The following TMEM132D variants were observed in gnomAD, a reference collection of about 807,000 sequenced individuals.
TMEM132D encodes mature OL transmembrane protein.
Under a neutral mutation model 62.3 loss-of-function variants are expected in TMEM132D, and 21 were observed. The ratio of observed to expected loss-of-function variants is 0.34; its 90% CI spans 0.24 to 0.49. The LOEUF (loss-of-function observed/expected upper bound fraction) is 0.49, where lower values mean the gene tolerates loss of function less well. TMEM132D is among the 20% of genes least tolerant of loss of function. TMEM132D has a pLI of 0.99. For synonymous variants in TMEM132D, 621 were observed against 575.6 expected, an observed-to-expected ratio of 1.08 and a Z score of -1.13; for missense variants, 1,346 against 1,402.8, an observed-to-expected ratio of 0.96 and a Z score of 0.65.
chr12:129,722,585 G>A (rs547945163), intron 1 of TMEM132D, among the ~76,000 whole-genome samples: 1 of 152,210 alleles, frequency 6.6e-6, no homozygotes, highest in Admixed American at 6.5e-5. Flanking sequence ...GGTGTAACTG[G>A]CTTCTATCCA....
chr12:129,873,434 G>A (rs961307827), intron 1 of TMEM132D, among the ~76,000 whole-genome samples: 5 of 152,112 alleles, frequency 3.3e-5, no homozygotes, highest in South Asian at 4.1e-4. Flanking sequence ...CCAGACTGCC[G>A]TCGCCTACAT....
intron 3 of TMEM132D, among the ~76,000 whole-genome samples, chr12:129,505,433 T>C (rs182103879): frequency 2.1e-4 from 32 of 152,074 alleles, no homozygotes; most frequent in African/African-American, 4.6e-4. Flanking sequence ...TTAGTAGAGA[T>C]GGGGTTTCGC....
chr12:129,266,878 A>G (rs1880711377), intron 4 of TMEM132D, among the ~76,000 whole-genome samples: 1 of 152,060 alleles, frequency 6.6e-6, no homozygotes, highest in South Asian at 2.1e-4. Flanking sequence ...GGGTAAGCAA[A>G]TGTCTCCAAA....
chr12:129,681,387 T>C (rs1470443471), intron 2 of TMEM132D: 2 of 152,138 alleles, frequency 1.3e-5, no homozygotes, highest in East Asian at 3.9e-4. Context: ...GGTCACTTGG[T>C]GGTATTGAGT....
intron 3 of TMEM132D, among the ~76,000 whole-genome samples, chr12:129,452,319 A>G (rs1444032690): frequency 6.6e-6 from 1 of 152,230 alleles, no homozygotes; most frequent in African/African-American, 2.4e-5. Flanking sequence ...TGGGTTTGGC[A>G]AACATTTCAA....
intron 1 of TMEM132D, among the ~76,000 whole-genome samples, chr12:129,738,726 G>C (rs1186486844): frequency 6.6e-6 from 1 of 152,092 alleles, no homozygotes; most frequent in Non-Finnish European, 1.5e-5. Context: ...AACAAAAGGC[G>C]GCCCAGGACA....
chr12:129,478,225 AGTGAGTGAGTG>A (rs1284045072), intron 3 of TMEM132D, among the ~76,000 whole-genome samples: 2 of 152,252 alleles, frequency 1.3e-5, no homozygotes, highest in East Asian at 3.8e-4. Context: ...TGGGTGAGTC[AGTGAGTGAGTG>A]GTGAGTGAAT....
At chr12:129,102,010 CTCTT>C (rs1875327132) in intron 5 of TMEM132D, among the ~76,000 whole-genome samples, 1 of 139,250 alleles carries the variant, frequency 7.2e-6, no homozygotes, top group Admixed American at 7.4e-5. Context: ...CTCTCTCTCT[CTCTT>C]CATGGAATGG....
At chr12:129,791,592 AT>A (rs1380593189) in intron 1 of TMEM132D, among the ~76,000 whole-genome samples, 3 of 152,270 alleles carry the variant, frequency 2.0e-5, no homozygotes, top group Admixed American at 6.5e-5. Flanking sequence ...ACATATTTTA[AT>A]TTAGATTCGC....
intron 2 of TMEM132D, among the ~76,000 whole-genome samples, chr12:129,543,990 G>C (rs1876663803): frequency 6.6e-6 from 1 of 152,176 alleles, no homozygotes; most frequent in Admixed American, 6.5e-5. Flanking sequence ...ATATGTGTAG[G>C]ATAAATTCTT....
intron 5 of TMEM132D, among the ~76,000 whole-genome samples, chr12:129,207,020 T>C (rs12321266): frequency 0.026 from 4,025 of 152,200 alleles, 195 homozygotes; most frequent in African/African-American, 0.092. Flanking sequence ...ACCTGGGTGA[T>C]GAAACTATCT....
At chr12:129,899,134 T>C (rs1362581515) in intron 1 of TMEM132D, among the ~76,000 whole-genome samples, 1 of 150,642 alleles carries the variant, frequency 6.6e-6, no homozygotes, top group Non-Finnish European at 1.5e-5. Flanking sequence ...GAATGATGAA[T>C]GGATGGATGA....
intron 4 of TMEM132D, among the ~76,000 whole-genome samples, chr12:129,252,587 T>C (rs1880297693): frequency 6.6e-6 from 1 of 152,202 alleles, no homozygotes; most frequent in Non-Finnish European, 1.5e-5. Flanking sequence ...TTTTACACTG[T>C]TGGTGGGACT....
intron 2 of TMEM132D, among the ~76,000 whole-genome samples, chr12:129,644,160 T>A (rs1344522745): frequency 1.3e-5 from 2 of 152,128 alleles, no homozygotes; most frequent in African/African-American, 4.8e-5. Context: ...GATTAATGTC[T>A]CATGTCTCCT....
At chr12:129,251,119 A>C (rs983892915) in intron 4 of TMEM132D, among the ~76,000 whole-genome samples, 1 of 152,074 alleles carries the variant, frequency 6.6e-6, no homozygotes, top group African/African-American at 2.4e-5. Flanking sequence ...GCACTTTGGG[A>C]GGCTGAGGTG....
Position 129,252,779 on chromosome 12 carries a change from T to A in TMEM132D, c.1300-43116A>T, listed in dbSNP as rs568792045. On this transcript the variant is annotated intron_variant, in intron 4 of 8. Coordinates refer to ENST00000422113, the MANE Select transcript of TMEM132D (RefSeq NM_133448.3). The stretch of plus-strand genomic sequence containing the variant: ...CGGCACTATTCACAATAGCAAAGAC[T>A]TGGAACCAACCTAAATGTCCAACAA... 9.2e-5 allele frequency among the ~76,000 whole-genome samples: 14 copies of A among 152,138 alleles called. No homozygotes were observed. The South Asian group carries it at 2.7e-3, about 29-fold the overall frequency.
In TMEM132D at chr12:129,636,735, T is replaced by TGAGAGAGA. The variant is rs1345382936; in HGVS notation, c.968+63074_968+63075insTCTCTCTC. 1.6e-3 allele frequency among the ~76,000 whole-genome samples: 150 copies of TGAGAGAGA among 91,448 alleles called. 1 individual carries two copies. The highest frequency in any genetic ancestry group is 6.7e-3 in the Middle Eastern group (1 of 150). 60.0% of individuals were successfully genotyped at this position (91,448 alleles called of 152,430 possible). On this transcript the variant is annotated intron_variant, in intron 2 of 8. Coordinates refer to ENST00000422113, the MANE Select transcript of TMEM132D (RefSeq NM_133448.3). Reference sequence around the variant, plus strand: ...GTGTGTGTGTGTGTGTGTGTGTGTGTGTGAGAGAGAGAGAGAGAGAGACAG... The same window carrying TGAGAGAGA: ...GTGTGTGTGTGTGTGTGTGTGTGTGTGAGAGAGAGTGAGAGAGAGAGAGAGAGAGACAG...
intron 1 of TMEM132D, among the ~76,000 whole-genome samples, chr12:129,893,146 A>T (rs893092931): frequency 6.6e-6 from 1 of 152,112 alleles, no homozygotes; most frequent in Non-Finnish European, 1.5e-5. Context: ...AAGTGCTGGG[A>T]TTACAGGCAG....
At chr12:129,742,595 C>T (rs1869644642) in intron 1 of TMEM132D, among the ~76,000 whole-genome samples, 1 of 152,164 alleles carries the variant, frequency 6.6e-6, no homozygotes, top group Non-Finnish European at 1.5e-5. Flanking sequence ...ACACAGAAAA[C>T]ATTTTCCTTC....
Sources: allele counts gnomAD v4.1 joint callset (sites outside exome capture counted in the v4.1 genomes callset), GRCh38; gene constraint gnomAD v4.1.1; transcripts MANE v1.5; gene names NCBI Gene and HGNC (gene_info 2026-07-23, HGNC 2026-07-21).